The following GRM8 variants were observed in gnomAD, a reference collection of about 807,000 sequenced individuals.
GRM8 encodes glutamate metabotropic receptor 8.
Under a neutral mutation model 87.2 loss-of-function variants are expected in GRM8, and 47 were observed. That is an observed-to-expected ratio of 0.54 (90% CI 0.43 to 0.69). GRM8 has a LOEUF of 0.69. Among genes scored for constraint, GRM8 ranks in the 30% least tolerant of loss-of-function variants. GRM8 has a pLI of 0.00. For missense variants in GRM8, 1,019 were observed against 1,139.2 expected (o/e 0.89, Z 1.52); for synonymous variants, 396 against 404.5 (o/e 0.98, Z 0.25).
chr7:127,042,988 A>T (rs982350041), intron 3 of GRM8, among the ~76,000 whole-genome samples: 1 of 152,272 alleles, frequency 6.6e-6, no homozygotes, highest in African/African-American at 2.4e-5. Flanking sequence ...GAAGACATTT[A>T]TGTAGCCAAA....
At chr7:127,130,523 GAA>G (rs1179090089) in intron 2 of GRM8, among the ~76,000 whole-genome samples, 1 of 152,228 alleles carries the variant, frequency 6.6e-6, no homozygotes, top group Non-Finnish European at 1.5e-5. Flanking sequence ...TTATGCTTTT[GAA>G]AAGAGACTGG....
intron 2 of GRM8, among the ~76,000 whole-genome samples, chr7:127,142,056 C>T (rs1828300439): frequency 6.6e-6 from 1 of 152,026 alleles, no homozygotes; most frequent in East Asian, 1.9e-4. Context: ...GATCATAGCT[C>T]ACTACAACCT....
chr7:126,889,133 C>T (rs951153071), intron 6 of GRM8, among the ~76,000 whole-genome samples: 2 of 152,048 alleles, frequency 1.3e-5, no homozygotes, highest in African/African-American at 4.8e-5. Flanking sequence ...AGCTATAGAG[C>T]GTTTTGGTAA....
chr7:126,962,508 A>G (rs1563358265), intron 3 of GRM8, among the ~76,000 whole-genome samples: 1 of 152,244 alleles, frequency 6.6e-6, no homozygotes, highest in African/African-American at 2.4e-5. Context: ...TAGTTAAAGT[A>G]GCTTAAACAT....
At chr7:126,936,223 C>T (rs1806301128) in intron 3 of GRM8, among the ~76,000 whole-genome samples, 1 of 152,090 alleles carries the variant, frequency 6.6e-6, no homozygotes, top group Non-Finnish European at 1.5e-5. Context: ...GATCACTTGT[C>T]CTGTGATTTT....
intron 9 of GRM8, among the ~76,000 whole-genome samples, chr7:126,460,553 TC>T (rs1361079957): frequency 6.6e-6 from 1 of 151,650 alleles, no homozygotes; most frequent in African/African-American, 2.4e-5. Flanking sequence ...AAAGTCCTCT[TC>T]TTGCACATTA....
chr7:126,910,276 CTTTT>C (rs537396752), intron 3 of GRM8, among the ~76,000 whole-genome samples: 1 of 152,072 alleles, frequency 6.6e-6, no homozygotes, highest in Non-Finnish European at 1.5e-5. Flanking sequence ...TTTAATTTTA[CTTTT>C]TTTTGTTACT....
At chr7:126,942,040 A>C (rs1375215178) in intron 3 of GRM8, among the ~76,000 whole-genome samples, 1 of 152,244 alleles carries the variant, frequency 6.6e-6, no homozygotes, top group African/African-American at 2.4e-5. Flanking sequence ...AAAGCCTGTT[A>C]ACCTCATGAA....
chr7:126,955,399 A>G (rs1474239778), intron 3 of GRM8, among the ~76,000 whole-genome samples: 7 of 152,176 alleles, frequency 4.6e-5, no homozygotes, highest in African/African-American at 1.7e-4. Context: ...AACTGCAGAA[A>G]AGTTCTCAAT....
intron 6 of GRM8, among the ~76,000 whole-genome samples, chr7:126,772,131 G>A (rs565688098): frequency 5.3e-5 from 8 of 152,204 alleles, no homozygotes; most frequent in African/African-American, 1.9e-4. Flanking sequence ...AATAGACGCT[G>A]TTATTTCCGT....
At chr7:126,699,760 A>G (rs1809734949) in intron 7 of GRM8, among the ~76,000 whole-genome samples, 1 of 152,172 alleles carries the variant, frequency 6.6e-6, no homozygotes, top group Non-Finnish European at 1.5e-5. Context: ...CCAGATAAAG[A>G]GACAGAGTGG....
chr7:127,103,701 A>G (rs1825546684), intron 3 of GRM8, among the ~76,000 whole-genome samples: 1 of 152,228 alleles, frequency 6.6e-6, no homozygotes, highest in Non-Finnish European at 1.5e-5. Context: ...AATTCACTAA[A>G]CAAACTATGC....
At chr7:127,094,840 C>T (rs17866035) in intron 3 of GRM8, among the ~76,000 whole-genome samples, 1,718 of 152,282 alleles carry the variant, frequency 0.011, 29 homozygotes, top group African/African-American at 0.038. Context: ...AGCATTTGTA[C>T]GGGAATCTCT....
At chr7:127,072,961 A>G (rs1821868360) in intron 3 of GRM8, among the ~76,000 whole-genome samples, 1 of 147,840 alleles carries the variant, frequency 6.8e-6, no homozygotes, top group South Asian at 2.2e-4. Context: ...TTCTTCAAAA[A>G]AGGCCATCCT....
chr7:127,247,286 T>C (rs546184172), intron 1 of GRM8, among the ~76,000 whole-genome samples: 2 of 152,270 alleles, frequency 1.3e-5, no homozygotes, highest in Admixed American at 6.5e-5. Context: ...ATGCAGGGTC[T>C]CTCTGGGTCT....
chr7:126,951,717 TATC>T (rs1808183824), intron 3 of GRM8, among the ~76,000 whole-genome samples: 1 of 151,956 alleles, frequency 6.6e-6, no homozygotes, highest in Non-Finnish European at 1.5e-5. Context: ...GAAGTAAACA[TATC>T]ATGGAAAATA....
chr7:126,820,009 G>T (rs908310048), intron 6 of GRM8, among the ~76,000 whole-genome samples: 1 of 152,074 alleles, frequency 6.6e-6, no homozygotes, highest in Non-Finnish European at 1.5e-5. Context: ...AATTTAGCTA[G>T]TAAGACTTCC....
At chr7:126,669,472 C>CT (rs1806154526) in intron 7 of GRM8, among the ~76,000 whole-genome samples, 1 of 152,098 alleles carries the variant, frequency 6.6e-6, no homozygotes, top group Admixed American at 6.5e-5. Flanking sequence ...TGACTTTAAT[C>CT]TTTAAGAAAT....
At chr7:126,479,015 A>G (rs978347160) in intron 9 of GRM8, among the ~76,000 whole-genome samples, 11 of 152,072 alleles carry the variant, frequency 7.2e-5, no homozygotes, top group Non-Finnish European at 1.2e-4. Flanking sequence ...TTCTCAGAAG[A>G]TGATCTTTAG....
Sources: gnomAD v4.1 joint callset for allele counts (sites outside exome capture counted in the v4.1 genomes callset) on GRCh38, gnomAD v4.1.1 for gene constraint, MANE v1.5 for transcripts, NCBI Gene and HGNC (gene_info 2026-07-23, HGNC 2026-07-21) for gene names.